The following ABLIM2 variants were observed in gnomAD, a reference collection of about 807,000 sequenced individuals.
The protein encoded by ABLIM2 is actin binding LIM protein family member 2.
Under a neutral mutation model 97.7 loss-of-function variants are expected in ABLIM2, and 53 were observed. That is an observed-to-expected ratio of 0.54 (90% CI 0.44 to 0.68). ABLIM2 has a LOEUF of 0.68. ABLIM2 is among the 30% of genes least tolerant of loss of function. ABLIM2 has a pLI of 0.00. For missense variants in ABLIM2, 835 were observed against 867.2 expected, an observed-to-expected ratio of 0.96 and a Z score of 0.47; for synonymous variants, 361 against 345.8, an observed-to-expected ratio of 1.04 and a Z score of -0.49.
At chr4:8,055,050 T>G (rs976949504) in intron 7 of ABLIM2, among the ~76,000 whole-genome samples, 8 of 149,716 alleles carry the variant, frequency 5.3e-5, no homozygotes, top group African/African-American at 1.5e-4. Context: ...TTGTTTTTGT[T>G]TTTTTTTTTT....
chr4:8,028,726 T>G (rs1388568912), intron 11 of ABLIM2, among the ~76,000 whole-genome samples: 1 of 149,420 alleles, frequency 6.7e-6, no homozygotes, highest in Non-Finnish European at 1.5e-5. Context: ...CAGTCATTCA[T>G]GCACTCACTC....
intron 20 of ABLIM2, among the ~76,000 whole-genome samples, chr4:7,982,183 T>C (rs532969608): frequency 1.3e-5 from 2 of 150,648 alleles, no homozygotes; most frequent in East Asian, 3.9e-4. Flanking sequence ...CTCAGCGGCA[T>C]CCACGCCCCT....
chr4:8,114,879 C>A (rs962942049), intron 1 of ABLIM2, among the ~76,000 whole-genome samples: 1 of 152,208 alleles, frequency 6.6e-6, no homozygotes, highest in Non-Finnish European at 1.5e-5. Flanking sequence ...CTGTGGGACC[C>A]CAGGCCCAGG....
At chr4:8,057,027 A>G (rs1799686829) in intron 7 of ABLIM2, among the ~76,000 whole-genome samples, 1 of 150,308 alleles carries the variant, frequency 6.7e-6, no homozygotes, top group East Asian at 1.9e-4. Flanking sequence ...TACAATGTGG[A>G]CAGATAAGAA....
chr4:8,051,501 G>A (rs1216437215), intron 8 of ABLIM2, among the ~76,000 whole-genome samples: 1 of 146,804 alleles, frequency 6.8e-6, no homozygotes, highest in Admixed American at 6.9e-5. Context: ...AGGTTGCAGT[G>A]AGCTGAGATC....
Position 7,983,131 on chromosome 4 carries a change from C to G in ABLIM2, c.1824+133G>C. ...CCTTTGAGGCAATGTGGGCCTGACT[C>G]TGCATCACGGCAAGGCTCTGCACTG... is the stretch of plus-strand genomic sequence containing the variant. On this transcript the variant is annotated intron_variant, in intron 20 of 20. Coordinates refer to ENST00000447017, the MANE Select transcript of ABLIM2 (RefSeq NM_001130083.2). 7.5e-6 allele frequency: 7 copies of G among 934,244 alleles called. No individual in the cohort carries two copies. In the South Asian group the frequency reaches 1.0e-4, roughly 14 times the overall value. 57.9% of individuals were successfully genotyped at this position (934,244 alleles called of 1,614,324 possible). A position where few individuals can be genotyped will look rare whatever the true frequency, so the allele number is the denominator to read the frequency against.
At chr4:8,114,429 G>T (rs888575650) in intron 1 of ABLIM2, among the ~76,000 whole-genome samples, 14 of 152,284 alleles carry the variant, frequency 9.2e-5, no homozygotes, top group Admixed American at 8.5e-4. Context: ...ACCCCCGCCC[G>T]TGCCTTACAG....
At chr4:7,987,015 C>T (rs1744767526) in intron 17 of ABLIM2, among the ~76,000 whole-genome samples, 1 of 152,064 alleles carries the variant, frequency 6.6e-6, no homozygotes, top group Admixed American at 6.5e-5. Flanking sequence ...CAGAGTCTGG[C>T]TCTGTCACCC....
chr4:8,047,768 C>T (rs753398176), intron 8 of ABLIM2, among the ~76,000 whole-genome samples: 2 of 152,224 alleles, frequency 1.3e-5, no homozygotes, highest in Non-Finnish European at 2.9e-5. Context: ...ACGGGCTTAC[C>T]GTTTCTGAGG....
At chr4:8,154,150 G>A (rs1212017036) in intron 1 of ABLIM2, among the ~76,000 whole-genome samples, 1 of 151,418 alleles carries the variant, frequency 6.6e-6, no homozygotes, top group Non-Finnish European at 1.5e-5. Flanking sequence ...TTTTAGTAGA[G>A]ATGGGGTTTC....
chr4:8,109,435 C>A (rs922694023), intron 1 of ABLIM2, among the ~76,000 whole-genome samples: 1 of 152,248 alleles, frequency 6.6e-6, no homozygotes, highest in African/African-American at 2.4e-5. Flanking sequence ...AGCTCTGAGC[C>A]TGGAAGGTCT....
chr4:8,016,804 C>T (rs1189520737), intron 14 of ABLIM2, among the ~76,000 whole-genome samples: 4 of 152,222 alleles, frequency 2.6e-5, no homozygotes, highest in South Asian at 2.1e-4. Flanking sequence ...TACCAATGAA[C>T]GGACGCCAGC....
At chr4:8,101,934 A>G (rs1189473137) in intron 2 of ABLIM2, among the ~76,000 whole-genome samples, 1 of 152,220 alleles carries the variant, frequency 6.6e-6, no homozygotes, top group East Asian at 1.9e-4. Flanking sequence ...AAAGACATCC[A>G]GAATGAGACA....
At chr4:8,088,353 G>C (rs979152169) in intron 3 of ABLIM2, 69 bp from the exon 4 acceptor site, 38 of 1,290,034 alleles carry the variant, frequency 2.9e-5, no homozygotes, top group Admixed American at 5.9e-5. Flanking sequence ...CCCTGTCCCA[G>C]TGCAGGAGAC....
intron 20 of ABLIM2, among the ~76,000 whole-genome samples, chr4:7,974,325 A>G (rs1730847643): frequency 6.7e-6 from 1 of 149,030 alleles, no homozygotes; most frequent in Non-Finnish European, 1.5e-5. Context: ...CCATCCACCC[A>G]CCAATCCATC....
At chr4:8,089,399 A>C (rs996887388) in intron 3 of ABLIM2, among the ~76,000 whole-genome samples, 3 of 152,152 alleles carry the variant, frequency 2.0e-5, no homozygotes, top group African/African-American at 7.2e-5. Context: ...GGTGCTTTTC[A>C]GGCAGAAGCC....
intron 16 of ABLIM2, among the ~76,000 whole-genome samples, chr4:7,997,361 C>A (rs543481456): frequency 7.9e-5 from 12 of 152,284 alleles, no homozygotes; most frequent in African/African-American, 2.6e-4. Flanking sequence ...TGAGCCACTG[C>A]GCCCAGCCGC....
In ABLIM2 at chr4:8,019,677, G is replaced by A. The variant is rs185481994; in HGVS notation, c.1370-6C>T. The A allele has an allele frequency of 9.9e-6, 16 of 1,610,026 alleles. No homozygotes were observed. In the East Asian group the frequency reaches 1.3e-4, roughly 13 times the overall value. ...GTTATCTTTTACGCCAGTGTCTGGG[G>A]AAGAAGAAAGAAAAAAAAGGAGAGA... On this transcript the variant is annotated splice_region_variant and splice_polypyrimidine_tract_variant and intron_variant, in intron 13 of 20. Coordinates refer to ENST00000447017, the MANE Select transcript of ABLIM2 (RefSeq NM_001130083.2). This position sits in a 1 kb window ranked among gnomAD's most constrained non-coding sequence, Gnocchi z 4.3.
At chr4:8,126,382 C>T (rs1847934689) in intron 1 of ABLIM2, among the ~76,000 whole-genome samples, 1 of 151,952 alleles carries the variant, frequency 6.6e-6, no homozygotes, top group Non-Finnish European at 1.5e-5. Context: ...TGTGTACCCC[C>T]TGCTCTGCTT....
Sources: allele counts gnomAD v4.1 joint callset (sites outside exome capture counted in the v4.1 genomes callset), GRCh38; gene constraint gnomAD v4.1.1; non-coding constraint Gnocchi (gnomAD v3.1); transcripts MANE v1.5; gene names NCBI Gene and HGNC (gene_info 2026-07-23, HGNC 2026-07-21).